Variants in PDE8B observed in about 807,000 individuals in gnomAD.
PDE8B encodes high affinity cAMP-specific and IBMX-insensitive 3',5'-cyclic phosphodiesterase 8B.
A neutral mutation model predicts 101.3 loss-of-function variants in PDE8B; 26 were observed. The ratio of observed to expected loss-of-function variants is 0.26; its 90% CI spans 0.19 to 0.36. PDE8B has a LOEUF of 0.36. PDE8B is among the 10% of genes least tolerant of loss of function. The pLI is 1.00. For synonymous variants in PDE8B, 424 were observed against 429.3 expected, an observed-to-expected ratio of 0.99 and a Z score of 0.15; for missense variants, 810 against 1,163.1, an observed-to-expected ratio of 0.70 and a Z score of 4.42.
At chr5:77,349,805 T>C (rs543157053) in intron 8 of PDE8B, among the ~76,000 whole-genome samples, 8 of 152,338 alleles carry the variant, frequency 5.3e-5, no homozygotes, top group African/African-American at 1.7e-4. Context: ...TGCATGAATA[T>C]GTCCCATCTG....
At chr5:77,326,020 A>G (rs890431841) in intron 3 of PDE8B, among the ~76,000 whole-genome samples, 1 of 152,188 alleles carries the variant, frequency 6.6e-6, no homozygotes, top group Non-Finnish European at 1.5e-5. Context: ...AAAAACATTA[A>G]AATTCACACA....
the PDE8B span, among the ~76,000 whole-genome samples, chr5:77,172,758 G>A: frequency 6.6e-6 from 1 of 152,186 alleles, no homozygotes; most frequent in African/African-American, 2.4e-5. Context: ...CTGACTAGGG[G>A]GAGCACAGGC....
the PDE8B span, chr5:77,141,985 G>A: frequency 1.5e-4 from 23 of 151,872 alleles, no homozygotes; most frequent in African/African-American, 4.6e-4. Context: ...ATACCAACAC[G>A]TAACATAATG....
At position 77,349,512 on chromosome 5, in the gene PDE8B, C is replaced by G; in HGVS notation, c.970C>G (p.Arg324Gly). The change falls in exon 8 of 22, where the codon CGG (arginine) becomes GGG (glycine). Residue 324 changes from arginine (R) to glycine (G), a missense_variant. Around this residue, in one of 4 missense-constraint regions of PDE8B, gnomAD observed 251 missense variants for 378.8 expected, o/e 0.66. Coordinates refer to ENST00000264917, the MANE Select transcript of PDE8B (RefSeq NM_003719.5). Reference sequence around the variant, plus strand: ...TGATCTGCCCAAAAGCGATAAGAACCGGGCAGACCTTCTCGACACCATCAA... The same window carrying G: ...TGATCTGCCCAAAAGCGATAAGAACGGGGCAGACCTTCTCGACACCATCAA... ...LADLPKSDKN[R>G]ADLLDTINTC... The G allele has an allele frequency of 6.2e-7, 1 of 1,614,124 alleles. No individual in the cohort carries two copies. Among genetic ancestry groups the G allele is most frequent in the Non-Finnish European group, 8.5e-7 (1 of 1,180,010 alleles).
intron 1 of PDE8B, among the ~76,000 whole-genome samples, chr5:77,231,352 T>C (rs1342688251): frequency 6.6e-6 from 1 of 152,202 alleles, no homozygotes; most frequent in Admixed American, 6.5e-5. Flanking sequence ...TTCTTTTTGC[T>C]TTTTACTTGG....
At chr5:77,262,837 T>C (rs1049918452) in intron 1 of PDE8B, among the ~76,000 whole-genome samples, 4 of 152,228 alleles carry the variant, frequency 2.6e-5, no homozygotes, top group Non-Finnish European at 4.4e-5. Flanking sequence ...AGATCTGCTT[T>C]GTTTAGGACT....
chr5:77,105,229 A>C, the PDE8B span: 1 of 152,224 alleles, frequency 6.6e-6, no homozygotes, highest in Non-Finnish European at 1.5e-5. Flanking sequence ...TATTTTGTAT[A>C]AACCGACAGT....
intron 10 of PDE8B, among the ~76,000 whole-genome samples, chr5:77,392,282 A>G (rs1378819607): frequency 6.6e-6 from 1 of 152,068 alleles, no homozygotes; most frequent in Non-Finnish European, 1.5e-5. Context: ...ATGCAGACCT[A>G]CCCCCCAAAG....
Position 77,259,084 on chromosome 5 carries a change from C to G in PDE8B, c.339+47820C>G, listed in dbSNP as rs1317558722. On this transcript the variant is annotated intron_variant, in intron 1 of 21. Transcript: ENST00000264917. ...CACACACACACCCCCGCCCCCCCCCCACACACACACACGAATGTTTCTGCC... is the reference window on the plus strand; with the variant it reads ...CACACACACACCCCCGCCCCCCCCCGACACACACACACGAATGTTTCTGCC... 1.6e-4 allele frequency among the ~76,000 whole-genome samples: 11 copies of G among 70,804 alleles called. 3 individuals are homozygous for G. Among genetic ancestry groups the G allele is most frequent in the African/African-American group, 4.0e-4 (7 of 17,452 alleles). 46.5% of individuals were successfully genotyped at this position (70,804 alleles called of 152,430 possible). A position where few individuals can be genotyped will look rare whatever the true frequency, so the allele number is the denominator to read the frequency against.
At chr5:77,091,566 C>T in the PDE8B span, among the ~76,000 whole-genome samples, 2 of 152,038 alleles carry the variant, frequency 1.3e-5, no homozygotes, top group South Asian at 2.1e-4. Context: ...TGCTTGAACC[C>T]GGAGGCGGAG....
the PDE8B span, among the ~76,000 whole-genome samples, chr5:77,133,881 C>T: frequency 2.6e-5 from 4 of 152,164 alleles, no homozygotes; most frequent in Non-Finnish European, 4.4e-5. Context: ...TTTTGCATCT[C>T]CAATATAGTT....
chr5:77,144,448 T>C, the PDE8B span: 3 of 152,130 alleles, frequency 2.0e-5, no homozygotes, highest in African/African-American at 7.2e-5. Context: ...ACAGGACCAA[T>C]GAGTACGAGT....
the PDE8B span, among the ~76,000 whole-genome samples, chr5:77,127,126 T>A: frequency 6.6e-6 from 1 of 152,200 alleles, no homozygotes; most frequent in African/African-American, 2.4e-5. Context: ...TTTCACAAGC[T>A]TATCCAGGTT....
intron 6 of PDE8B, among the ~76,000 whole-genome samples, chr5:77,342,432 G>A (rs956398067): frequency 6.6e-6 from 1 of 151,976 alleles, no homozygotes; most frequent in Non-Finnish European, 1.5e-5. Context: ...AGTTCTTTCT[G>A]CCTTCTTCCC....
At chr5:77,319,243 G>A (rs1490228437) in intron 2 of PDE8B, among the ~76,000 whole-genome samples, 2 of 152,196 alleles carry the variant, frequency 1.3e-5, no homozygotes, top group African/African-American at 4.8e-5. Flanking sequence ...AATGCATAAA[G>A]CATAAACTTT....
the PDE8B span, among the ~76,000 whole-genome samples, chr5:77,132,654 T>C: frequency 0.16 from 24,497 of 152,210 alleles, 2,454 homozygotes; most frequent in East Asian, 0.48. Context: ...AGACTAGTCT[T>C]GCTGTCTTCT....
intron 10 of PDE8B, among the ~76,000 whole-genome samples, chr5:77,381,233 A>G (rs1311542155): frequency 6.6e-6 from 1 of 152,216 alleles, no homozygotes; most frequent in African/African-American, 2.4e-5. Flanking sequence ...CTGGCTGATG[A>G]GAATAGACTG....
intron 10 of PDE8B, among the ~76,000 whole-genome samples, chr5:77,360,637 T>G (rs548256808): frequency 6.6e-6 from 1 of 152,324 alleles, no homozygotes; most frequent in South Asian, 2.1e-4. Context: ...AGTCACTCCT[T>G]GCATCTGCTC....
the PDE8B span, among the ~76,000 whole-genome samples, chr5:77,135,678 TGTTG>T: frequency 7.8e-4 from 119 of 152,176 alleles, no homozygotes; most frequent in Non-Finnish European, 1.4e-3. Context: ...GATTTCACCA[TGTTG>T]GTTGGGCTGG....
Sources: gnomAD v4.1 joint callset for allele counts (sites outside exome capture counted in the v4.1 genomes callset) on GRCh38, gnomAD v4.1.1 for gene constraint, gnomAD v4.1.1 regional missense constraint, MANE v1.5 for transcripts, NCBI Gene and HGNC (gene_info 2026-07-23, HGNC 2026-07-21) for gene names.